The following GTF3C1 variants were observed in gnomAD, a reference collection of about 807,000 sequenced individuals.
GTF3C1 encodes general transcription factor IIIC subunit 1.
In GTF3C1, 57 loss-of-function variants were observed where a neutral mutation model predicts 226.7. The ratio of observed to expected loss-of-function variants is 0.25; its 90% confidence interval spans 0.20 to 0.31. The LOEUF (loss-of-function observed/expected upper bound fraction) is 0.31. GTF3C1 is among the 10% of genes least tolerant of loss of function. The pLI is 1.00. For missense variants in GTF3C1, 2,217 were observed against 2,776.1 expected, an observed-to-expected ratio of 0.80 and a Z score of 4.53; for synonymous variants, 1,090 against 1,084.8, an observed-to-expected ratio of 1.00 and a Z score of -0.09.
At chr16:27,544,011 G>A (rs955128600) in intron 2 of GTF3C1, among the ~76,000 whole-genome samples, 16 of 152,274 alleles carry the variant, frequency 1.1e-4, no homozygotes, top group Middle Eastern at 3.4e-3. Flanking sequence ...GAAACAGCCA[G>A]TTACAAGGGA....
chr16:27,474,102 C>T (rs941777271), intron 29 of GTF3C1, among the ~76,000 whole-genome samples: 12 of 152,222 alleles, frequency 7.9e-5, no homozygotes. Flanking sequence ...ACTGGCTTCC[C>T]GGAACCTTGA....
chr16:27,463,446 G>A lies in GTF3C1; in HGVS notation c.5924+95C>T, dbSNP rs968464595. On this transcript the variant is annotated intron_variant, in intron 35 of 36. Transcript: ENST00000356183. The surrounding 1 kb of genome is among the most constrained non-coding windows in gnomAD (Gnocchi z 4.9). ...GGGCAGGCTGTCAGAGCTGGTACCT[G>A]GGGAAAGACCCTCAAAGACCCTCAC... 2.6e-6 allele frequency: 2 copies of A among 768,870 alleles called. No individual in the cohort carries two copies. The highest frequency in any genetic ancestry group is 4.6e-6 in the Non-Finnish European group (2 of 436,056). The allele number at this position is 768,870 out of a possible 1,614,324, so 47.6% of individuals were successfully genotyped here.
chr16:27,514,057 C>T (rs2141414701), intron 6 of GTF3C1, among the ~76,000 whole-genome samples: 2 of 152,306 alleles, frequency 1.3e-5, no homozygotes, highest in East Asian at 3.9e-4. Context: ...ATGCCTGGAA[C>T]TCAACAGACC....
Position 27,502,845 on chromosome 16 carries a change from A to G in GTF3C1, c.1907+14T>C. ...AGTGCCAGCAGACAGACAGACAGAC[A>G]GACAGCTCCTTACGTGAATAAACTC... On this transcript the variant is annotated intron_variant, in intron 11 of 36. Coordinates refer to ENST00000356183, the MANE Select transcript of GTF3C1 (RefSeq NM_001520.4). The G allele has an allele frequency of 6.4e-7, 1 of 1,556,346 alleles. No homozygotes were observed. The highest frequency in any genetic ancestry group is 8.7e-7 in the Non-Finnish European group (1 of 1,149,310).
At chr16:27,497,270 GTGC>G (rs1396923667) in intron 14 of GTF3C1, among the ~76,000 whole-genome samples, 1 of 152,218 alleles carries the variant, frequency 6.6e-6, no homozygotes, top group Non-Finnish European at 1.5e-5. Context: ...ATCAATGACT[GTGC>G]TGCCAGGGGA....
rs1247452440 is a variant in GTF3C1, at chr16:27,461,804, C to A, written c.6118-242G>T. ...GCTGGCTGGAGCCACCACGCTGAAT[C>A]TCATTTGTGGAGGAGAGGCCTGCAG... On this transcript the variant is annotated intron_variant, in intron 36 of 36. Coordinates refer to ENST00000356183, the MANE Select transcript of GTF3C1 (RefSeq NM_001520.4). This position sits in a 1 kb window ranked among gnomAD's most constrained non-coding sequence, Gnocchi z 5.3. 3 of 540,516 alleles carry A rather than the reference C, an allele frequency of 5.6e-6. No individual in the cohort carries two copies. The African/African-American group carries it at 5.6e-5, about 10-fold the overall frequency. 33.5% of individuals were successfully genotyped at this position (540,516 alleles called of 1,614,324 possible).
intron 12 of GTF3C1, 68 bp from the exon 13 acceptor site, chr16:27,498,801 G>A (rs1382805207): frequency 1.2e-5 from 10 of 801,660 alleles, no homozygotes; most frequent in Middle Eastern, 2.2e-4. Flanking sequence ...CTCCACAGTC[G>A]ATTCCTAGTG....
At chr16:27,544,399 G>C (rs114626874) in intron 2 of GTF3C1, among the ~76,000 whole-genome samples, 1 of 151,088 alleles carries the variant, frequency 6.6e-6, no homozygotes, top group Non-Finnish European at 1.5e-5. Flanking sequence ...AAAAGAAAAA[G>C]AAAATCAAGG....
At chr16:27,488,766 C>A in intron 21 of GTF3C1, 131 bp from the exon 22 acceptor site, 1 of 750,308 alleles carries the variant, frequency 1.3e-6, no homozygotes, top group Admixed American at 2.5e-5. Flanking sequence ...GGGCTGGAGT[C>A]TCCTGCCACC....
intron 6 of GTF3C1, 28 bp downstream of exon 6, chr16:27,528,570 G>T: frequency 6.3e-7 from 1 of 1,587,352 alleles, no homozygotes; most frequent in South Asian, 1.1e-5. Flanking sequence ...AGCCAGCCAA[G>T]GGAACAGAAG....
At chr16:27,549,578 C>A in intron 1 of GTF3C1, 92 bp downstream of exon 1, 1 of 759,656 alleles carries the variant, frequency 1.3e-6, no homozygotes, top group Non-Finnish European at 2.1e-6. Context: ...ACTTGCACAG[C>A]CCCACTCCAT....
At chr16:27,496,106 C>T (rs2088312411) in intron 14 of GTF3C1, among the ~76,000 whole-genome samples, 1 of 152,076 alleles carries the variant, frequency 6.6e-6, no homozygotes, top group African/African-American at 2.4e-5. Context: ...AAGTGTGTGG[C>T]ACCTCCCCCA....
chr16:27,470,016 C>G lies in GTF3C1; in HGVS notation c.4814+92G>C. On this transcript the variant is annotated intron_variant, in intron 31 of 36. Transcript: ENST00000356183. This position sits in a 1 kb window ranked among gnomAD's most constrained non-coding sequence, Gnocchi z 4.9. ...TCATCTGCAACTCCCATCCCACAAG[C>G]TCCCAGAAGGCACTGCTGACCCCTG... The G allele has an allele frequency of 9.8e-7, 1 of 1,016,644 alleles. No homozygotes were observed. Among genetic ancestry groups the G allele is most frequent in the South Asian group, 1.5e-5 (1 of 65,360 alleles). The allele number at this position is 1,016,644 out of a possible 1,614,324, so 63.0% of individuals were successfully genotyped here. A position where few individuals can be genotyped will look rare whatever the true frequency, so the allele number is the denominator to read the frequency against.
chr16:27,524,323 G>T (rs552085790), intron 6 of GTF3C1, among the ~76,000 whole-genome samples: 1 of 152,268 alleles, frequency 6.6e-6, no homozygotes, highest in South Asian at 2.1e-4. Context: ...TTAAATGCCG[G>T]CAACAAATTC....
intron 2 of GTF3C1, among the ~76,000 whole-genome samples, chr16:27,542,387 C>T (rs2089097751): frequency 6.6e-6 from 1 of 152,020 alleles, no homozygotes; most frequent in African/African-American, 2.4e-5. Context: ...GCAGTGAAAC[C>T]CCATCTCTAC....
chr16:27,479,318 ATT>A (rs34141031), intron 27 of GTF3C1, among the ~76,000 whole-genome samples: 1 of 149,648 alleles, frequency 6.7e-6, no homozygotes, highest in Non-Finnish European at 1.5e-5. Context: ...CCATTTCCCC[ATT>A]TTTTTTTTGA....
chr16:27,464,838 T>TGGGGAGGCAGGAGACACGC lies in GTF3C1; in HGVS notation c.5356-21_5356-3dup, dbSNP rs1555500037. 8 of 1,502,948 alleles carry TGGGGAGGCAGGAGACACGC rather than the reference T, an allele frequency of 5.3e-6. No individual in the cohort carries two copies. Among genetic ancestry groups the TGGGGAGGCAGGAGACACGC allele is most frequent in the Non-Finnish European group, 7.0e-6 (8 of 1,134,928 alleles). 93.1% of individuals were successfully genotyped at this position (1,502,948 alleles called of 1,614,324 possible). ...CACCTGATGCTGCTCCAGGAGGGCC[T>TGGGGAGGCAGGAGACACGC]GGGGAGGCAGGAGACACGCGGGGTC... On this transcript the variant is annotated splice_region_variant and splice_polypyrimidine_tract_variant and intron_variant, in intron 33 of 36. Coordinates refer to ENST00000356183, the MANE Select transcript of GTF3C1 (RefSeq NM_001520.4).
chr16:27,549,590 C>T (rs1380612240), intron 1 of GTF3C1, 80 bp downstream of exon 1: 2 of 791,422 alleles, frequency 2.5e-6, no homozygotes, highest in East Asian at 5.4e-5. Context: ...CCACTCCATT[C>T]CCCCGCCCTG....
chr16:27,469,474 G>A lies in GTF3C1; in HGVS notation c.4891C>T (p.Arg1631Trp), dbSNP rs1346684469. ...TGCGCAGGTTTCACCTCCATGCTCC[G>A]GCGCTTGCCCCCTACACCTTCGTCC... ...DLDEGVGGKR[R>W]SMEVKPAQAS... The change falls in exon 32 of 37, where the codon CGG (arginine) becomes TGG (tryptophan). Residue 1631 changes from arginine to tryptophan, a missense_variant. Around this residue, in one of 12 missense-constraint regions of GTF3C1, gnomAD observed 546 missense variants for 663.0 expected, o/e 0.82. Coordinates refer to ENST00000356183, the MANE Select transcript of GTF3C1 (RefSeq NM_001520.4). This position sits in a 1 kb window ranked among gnomAD's most constrained non-coding sequence, Gnocchi z 4.5. The A allele has an allele frequency of 9.9e-6, 16 of 1,614,068 alleles. No individual in the cohort carries two copies. Among genetic ancestry groups the A allele is most frequent in the African/African-American group, 8.0e-5 (6 of 74,926 alleles).
Sources: allele counts gnomAD v4.1 joint callset (sites outside exome capture counted in the v4.1 genomes callset), GRCh38; gene constraint gnomAD v4.1.1; regional missense constraint gnomAD v4.1.1; non-coding constraint Gnocchi (gnomAD v3.1); transcripts MANE v1.5; gene names NCBI Gene and HGNC (gene_info 2026-07-23, HGNC 2026-07-21).